SORBS2: variants seen among roughly 807,000 people sequenced by gnomAD.
The protein encoded by SORBS2 is sorbin and SH3 domain containing 2.
Under a neutral mutation model 97.7 loss-of-function variants are expected in SORBS2, and 46 were observed. The ratio of observed to expected loss-of-function variants is 0.47; its 90% CI spans 0.37 to 0.60. SORBS2 has a LOEUF of 0.60. Ranked by LOEUF, SORBS2 falls within the 20% of genes least tolerant of loss-of-function variation. The probability of loss-of-function intolerance (pLI) is 0.00; values close to 1 mark genes in which losing one functional copy is unlikely to be tolerated. For missense variants in SORBS2, 1,316 were observed against 1,282.3 expected, an observed-to-expected ratio of 1.03 and a Z score of -0.40; for synonymous variants, 476 against 473.4, an observed-to-expected ratio of 1.01 and a Z score of -0.07.
chr4:185,919,643 C>T (rs1411556289), intron 1 of SORBS2, among the ~76,000 whole-genome samples: 5 of 152,142 alleles, frequency 3.3e-5, no homozygotes, highest in South Asian at 4.1e-4. Flanking sequence ...AAGTCAAACC[C>T]GCATCAGAAA....
chr4:185,857,859 CCT>C (rs1394439191), intron 1 of SORBS2, among the ~76,000 whole-genome samples: 1 of 152,114 alleles, frequency 6.6e-6, no homozygotes, highest in Non-Finnish European at 1.5e-5. Flanking sequence ...GCTCTCAAAC[CCT>C]GTTTCCTGTT....
At chr4:185,630,871 A>G (rs921377689) in intron 4 of SORBS2, among the ~76,000 whole-genome samples, 3 of 152,176 alleles carry the variant, frequency 2.0e-5, no homozygotes, top group African/African-American at 7.2e-5. Flanking sequence ...GGGGGAAATT[A>G]ATAATATTTT....
At chr4:185,592,812 G>A (rs1269573743) in intron 13 of SORBS2, 1 of 152,228 alleles carries the variant, frequency 6.6e-6, no homozygotes. Context: ...CAAAGTGCTG[G>A]GATTTCAGGC....
intron 1 of SORBS2, among the ~76,000 whole-genome samples, chr4:185,925,961 A>G (rs1398031119): frequency 6.6e-6 from 1 of 152,212 alleles, no homozygotes; most frequent in African/African-American, 2.4e-5. Context: ...AATTTCTTTG[A>G]TGGAAGGGAG....
At chr4:185,879,111 T>C (rs548212590) in intron 1 of SORBS2, among the ~76,000 whole-genome samples, 5 of 149,304 alleles carry the variant, frequency 3.3e-5, no homozygotes, top group African/African-American at 1.0e-4. Flanking sequence ...CATGTTGGTG[T>C]GCTGCACCCA....
intron 2 of SORBS2, among the ~76,000 whole-genome samples, chr4:185,737,347 G>A (rs974614488): frequency 2.0e-5 from 3 of 151,360 alleles, no homozygotes; most frequent in South Asian, 2.1e-4. Context: ...GTGGTCTCCC[G>A]TCTCCTCCAT....
chr4:185,921,296 C>G (rs1390465537), intron 1 of SORBS2, among the ~76,000 whole-genome samples: 2 of 152,194 alleles, frequency 1.3e-5, no homozygotes, highest in South Asian at 2.1e-4. Flanking sequence ...CTAAGCATAT[C>G]TGTAAGTACG....
chr4:185,662,166 G>A (rs147082201), exon 5 of SORBS2: 27 of 1,614,006 alleles, frequency 1.7e-5, no homozygotes, highest in Non-Finnish European at 2.1e-5. Context: ...AGAATATGCC[G>A]AGGGGGAAAA....
At chr4:185,689,802 G>A (rs181208343) in intron 2 of SORBS2, among the ~76,000 whole-genome samples, 26 of 152,312 alleles carry the variant, frequency 1.7e-4, no homozygotes, top group East Asian at 3.9e-4. Flanking sequence ...ATGGCGCGAC[G>A]GCTCAAACAA....
chr4:185,827,777 C>G lies in SORBS2; in HGVS notation c.-337-52411G>C, dbSNP rs111205878. 2.4e-3 allele frequency among the ~76,000 whole-genome samples: 196 copies of G among 81,062 alleles called. 4 individuals carry two copies. The highest frequency in any genetic ancestry group is 8.0e-3 in the African/African-American group (182 of 22,656). The allele number at this position is 81,062 out of a possible 152,430, so 53.2% of individuals were successfully genotyped here. A position where few individuals can be genotyped will look rare whatever the true frequency, so the allele number is the denominator to read the frequency against. On this transcript the variant is annotated intron_variant, in intron 1 of 20. Coordinates refer to the SORBS2 transcript ENST00000284776. The stretch of plus-strand genomic sequence containing the variant: ...ATCATCACCATCATCATCACCATCA[C>G]CATCATCATCGTCACCATCATCGTC...
At chr4:185,760,607 T>A (rs113426334) in intron 2 of SORBS2, among the ~76,000 whole-genome samples, 3 of 152,216 alleles carry the variant, frequency 2.0e-5, no homozygotes, top group African/African-American at 7.2e-5. Context: ...GCATCCTATG[T>A]CTGCATAATG....
chr4:185,769,874 A>G (rs1330322063), intron 2 of SORBS2, among the ~76,000 whole-genome samples: 1 of 152,240 alleles, frequency 6.6e-6, no homozygotes, highest in East Asian at 1.9e-4. Context: ...GCAGCACAGG[A>G]AAAAGACCGT....
intron 1 of SORBS2, among the ~76,000 whole-genome samples, chr4:185,900,750 T>C (rs745819467): frequency 6.6e-6 from 1 of 152,026 alleles, no homozygotes; most frequent in Non-Finnish European, 1.5e-5. Context: ...TTTGTACGTA[T>C]GAGTGGGAGA....
chr4:185,654,808 G>A (rs34524489), intron 1 of SORBS2, among the ~76,000 whole-genome samples: 2 of 151,942 alleles, frequency 1.3e-5, no homozygotes, highest in African/African-American at 2.4e-5. Flanking sequence ...TCACTATGCC[G>A]TTTTTTCTAC....
chr4:185,697,252 G>A (rs1041643373), intron 2 of SORBS2, among the ~76,000 whole-genome samples: 5 of 152,162 alleles, frequency 3.3e-5, no homozygotes, highest in Non-Finnish European at 5.9e-5. Flanking sequence ...TGAGTCTTAA[G>A]AAGATAATCT....
intron 1 of SORBS2, among the ~76,000 whole-genome samples, chr4:185,898,527 G>A (rs914604304): frequency 2.6e-5 from 4 of 152,194 alleles, no homozygotes; most frequent in Non-Finnish European, 4.4e-5. Flanking sequence ...ATCATTGCTC[G>A]TGTTTTTGGA....
intron 12 of SORBS2, among the ~76,000 whole-genome samples, chr4:185,602,506 T>C (rs958785135): frequency 7.2e-5 from 11 of 152,226 alleles, no homozygotes; most frequent in Admixed American, 5.9e-4. Context: ...AGATTGTCAT[T>C]GTCTTAGAAA....
intron 1 of SORBS2, among the ~76,000 whole-genome samples, chr4:185,777,951 G>A (rs2099008040): frequency 6.6e-6 from 1 of 152,038 alleles, no homozygotes; most frequent in Non-Finnish European, 1.5e-5. Context: ...ATAGATTAAT[G>A]TTGTCTCTTC....
intron 2 of SORBS2, among the ~76,000 whole-genome samples, chr4:185,687,707 TCTAAGTC>T (rs2097995811): frequency 6.6e-6 from 1 of 152,160 alleles, no homozygotes; most frequent in Non-Finnish European, 1.5e-5. Flanking sequence ...TTTAGGAAGC[TCTAAGTC>T]TTAGATGAAA....
Sources: gnomAD v4.1 joint callset for allele counts (sites outside exome capture counted in the v4.1 genomes callset) on GRCh38, gnomAD v4.1.1 for gene constraint, MANE v1.5 for transcripts, NCBI Gene and HGNC (gene_info 2026-07-23, HGNC 2026-07-21) for gene names.